The following CDH13 variants were observed in gnomAD, a reference collection of about 807,000 sequenced individuals.
CDH13 encodes cadherin 13, also known as cadherin-13.
CDH13 carries 24 observed loss-of-function variants against 63.8 expected under a neutral mutation model. The ratio of observed to expected loss-of-function variants is 0.38; its 90% CI spans 0.27 to 0.53. The LOEUF (loss-of-function observed/expected upper bound fraction) is 0.53, where lower values mean the gene tolerates loss of function less well. CDH13 is among the 20% of genes least tolerant of loss of function. The probability of loss-of-function intolerance (pLI) is 0.85; values close to 1 mark genes in which losing one functional copy is unlikely to be tolerated. For missense variants in CDH13, 1,049 were observed against 903.1 expected (o/e 1.16, Z -2.07); for synonymous variants, 503 against 355.3 (o/e 1.42, Z -4.67).
At chr16:83,025,060 G>C (rs1915674202) in intron 2 of CDH13, among the ~76,000 whole-genome samples, 1 of 152,198 alleles carries the variant, frequency 6.6e-6, no homozygotes, top group African/African-American at 2.4e-5. Context: ...CTGGAAGAAG[G>C]AAGCTGTGTA....
intron 1 of CDH13, among the ~76,000 whole-genome samples, chr16:82,830,172 G>A (rs551819927): frequency 2.6e-5 from 4 of 152,226 alleles, no homozygotes; most frequent in Middle Eastern, 3.4e-3. Context: ...TTCTGTCCAC[G>A]TGTGAAACTT....
intron 2 of CDH13, among the ~76,000 whole-genome samples, chr16:82,973,731 C>G (rs1251204755): frequency 6.6e-6 from 1 of 152,188 alleles, no homozygotes. Context: ...TTTTATTCTT[C>G]TATCCCATGA....
intron 1 of CDH13, among the ~76,000 whole-genome samples, chr16:82,712,131 T>C (rs2031994776): frequency 6.6e-6 from 1 of 152,116 alleles, no homozygotes; most frequent in African/African-American, 2.4e-5. Context: ...AAACAAATCA[T>C]CCAACTGCCT....
intron 7 of CDH13, among the ~76,000 whole-genome samples, chr16:83,535,879 GAGAA>G (rs921761385): frequency 8.8e-5 from 13 of 148,004 alleles, no homozygotes; most frequent in Admixed American, 8.3e-4. Flanking sequence ...GAGAGAGGAA[GAGAA>G]AGAGAAACAA....
chr16:82,904,846 A>T (rs1302437254), intron 2 of CDH13, among the ~76,000 whole-genome samples: 6 of 152,198 alleles, frequency 3.9e-5, no homozygotes, highest in African/African-American at 1.4e-4. Flanking sequence ...ATAGAGTGCG[A>T]CATTTGAACT....
At chr16:83,093,510 G>A (rs572464266) in intron 3 of CDH13, among the ~76,000 whole-genome samples, 2 of 151,410 alleles carry the variant, frequency 1.3e-5, no homozygotes, top group South Asian at 2.1e-4. Flanking sequence ...AGTAGAGATG[G>A]GATTTCACCG....
intron 4 of CDH13, among the ~76,000 whole-genome samples, chr16:83,184,851 T>G (rs1475679559): frequency 6.6e-6 from 1 of 151,970 alleles, no homozygotes; most frequent in African/African-American, 2.4e-5. Flanking sequence ...TATATATACA[T>G]TAGCTCATTT....
rs374697705 is a variant in CDH13 at position 83,629,037 on chromosome 16, C to A, written c.1101+26443C>A. Among the ~76,000 whole-genome samples, 41 of 152,190 alleles carry A rather than the reference C, an allele frequency of 2.7e-4. No individual in the cohort carries two copies. The East Asian group carries it at 7.5e-3, about 28-fold the overall frequency. Reference sequence around the variant, plus strand: ...TTTCATGGTAACTGGTAATTGCTGGCCTATAAAAGCTCTCTTCCTTATGTT... The same window carrying A: ...TTTCATGGTAACTGGTAATTGCTGGACTATAAAAGCTCTCTTCCTTATGTT... On this transcript the variant is annotated intron_variant, in intron 8 of 13. Coordinates refer to ENST00000567109, the MANE Select transcript of CDH13 (RefSeq NM_001257.5).
At chr16:82,974,763 A>T (rs932747941) in intron 2 of CDH13, among the ~76,000 whole-genome samples, 1 of 152,344 alleles carries the variant, frequency 6.6e-6, no homozygotes, top group Non-Finnish European at 1.5e-5. Context: ...AGTCAAGGAA[A>T]GTGGGCAGCA....
At chr16:83,460,546 T>C (rs890260475) in intron 6 of CDH13, among the ~76,000 whole-genome samples, 1 of 151,994 alleles carries the variant, frequency 6.6e-6, no homozygotes, top group African/African-American at 2.4e-5. Flanking sequence ...GGATGGTGGA[T>C]CTCCAGGACA....
At chr16:83,539,732 A>T (rs2075264227) in intron 7 of CDH13, among the ~76,000 whole-genome samples, 1 of 152,202 alleles carries the variant, frequency 6.6e-6, no homozygotes, top group Non-Finnish European at 1.5e-5. Context: ...AGATGAAGCA[A>T]TTGCAGCATA....
At chr16:82,802,967 C>G (rs377211987) in intron 1 of CDH13, among the ~76,000 whole-genome samples, 1 of 152,190 alleles carries the variant, frequency 6.6e-6, no homozygotes, top group African/African-American at 2.4e-5. Flanking sequence ...CTCTAAAATA[C>G]TTACTTGAAT....
At chr16:83,198,282 C>G (rs2038932517) in intron 4 of CDH13, among the ~76,000 whole-genome samples, 1 of 151,538 alleles carries the variant, frequency 6.6e-6, no homozygotes, top group Admixed American at 6.6e-5. Context: ...TGATTTCTTT[C>G]TCTTCTGTAC....
At chr16:83,067,382 T>G (rs1019857224) in intron 3 of CDH13, among the ~76,000 whole-genome samples, 1 of 152,180 alleles carries the variant, frequency 6.6e-6, no homozygotes, top group Non-Finnish European at 1.5e-5. Flanking sequence ...AGCCATAGTT[T>G]CCAGTTCTAT....
intron 1 of CDH13, among the ~76,000 whole-genome samples, chr16:82,661,550 TATCAGC>T (rs1419566212): frequency 6.6e-6 from 1 of 152,236 alleles, no homozygotes; most frequent in African/African-American, 2.4e-5. Context: ...AAAGCCTGGC[TATCAGC>T]ATCAACACCT....
At chr16:83,217,034 G>T (rs375163952) in intron 4 of CDH13, among the ~76,000 whole-genome samples, 1 of 151,888 alleles carries the variant, frequency 6.6e-6, no homozygotes, top group Non-Finnish European at 1.5e-5. Context: ...AATATATTTC[G>T]TGGAGTTAAA....
At chr16:82,933,780 G>A (rs1038743231) in intron 2 of CDH13, among the ~76,000 whole-genome samples, 1 of 152,186 alleles carries the variant, frequency 6.6e-6, no homozygotes, top group Non-Finnish European at 1.5e-5. Context: ...CAGGATCCGG[G>A]CAAGTCTGAA....
chr16:83,117,096 C>A (rs951881533), intron 3 of CDH13, among the ~76,000 whole-genome samples: 3 of 152,192 alleles, frequency 2.0e-5, no homozygotes, highest in African/African-American at 7.2e-5. Flanking sequence ...ACTTTTATCC[C>A]TTTGAGTCTA....
intron 5 of CDH13, among the ~76,000 whole-genome samples, chr16:83,281,745 CT>C (rs1214590887): frequency 6.8e-6 from 1 of 147,262 alleles, no homozygotes; most frequent in Non-Finnish European, 1.5e-5. Context: ...CTCATCTGTG[CT>C]TAAAAAAAAA....
Sources: allele counts gnomAD v4.1 joint callset (sites outside exome capture counted in the v4.1 genomes callset), GRCh38; gene constraint gnomAD v4.1.1; transcripts MANE v1.5; gene names NCBI Gene and HGNC (gene_info 2026-07-23, HGNC 2026-07-21).